The following ZNF804A variants were observed in gnomAD, a reference collection of about 807,000 sequenced individuals.
The protein encoded by ZNF804A is zinc finger protein 804A.
Under a neutral mutation model 16.5 loss-of-function variants are expected in ZNF804A, and 2 were observed. The observed-to-expected ratio is 0.12, with a 90% confidence interval of 0.05 to 0.38. ZNF804A has a LOEUF of 0.38. Among genes scored for constraint, ZNF804A ranks in the 10% least tolerant of loss-of-function variants. The pLI, the probability that ZNF804A is intolerant of heterozygous loss-of-function variation, is 0.99. For missense variants in ZNF804A, 1,473 were observed against 1,390.7 expected (o/e 1.06, Z -0.94); for synonymous variants, 534 against 489.6 (o/e 1.09, Z -1.20).
chr2:184,612,803 A>G (rs965285264), intron 1 of ZNF804A, among the ~76,000 whole-genome samples: 2 of 152,210 alleles, frequency 1.3e-5, no homozygotes, highest in African/African-American at 4.8e-5. Flanking sequence ...TAGTAATAGA[A>G]TTTCAGATGG....
At position 184,782,767 on chromosome 2, in the gene ZNF804A, ATT is replaced by A. The variant is rs369282860; in HGVS notation, c.112-83587_112-83586del. The stretch of plus-strand genomic sequence containing the variant: ...TGACTAATACAGTTTTCCAGTAAGG[ATT>A]TTTTTTTTTTTTTTCTGAACTCTTC... On this transcript the variant is annotated intron_variant, in intron 1 of 3. Transcript: ENST00000302277. 1.1e-3 allele frequency among the ~76,000 whole-genome samples: 143 copies of A among 133,496 alleles called. 1 individual carries two copies. Among genetic ancestry groups the A allele is most frequent in the African/African-American group, 3.4e-3 (124 of 36,386 alleles). The allele number at this position is 133,496 out of a possible 152,430, so 87.6% of individuals were successfully genotyped here.
chr2:184,900,733 T>A (rs943833891), intron 2 of ZNF804A, among the ~76,000 whole-genome samples: 1 of 152,138 alleles, frequency 6.6e-6, no homozygotes, highest in Non-Finnish European at 1.5e-5. Context: ...GGACACAGAT[T>A]TGACACTTGT....
At chr2:184,645,763 G>T (rs1021789450) in intron 1 of ZNF804A, among the ~76,000 whole-genome samples, 7 of 152,168 alleles carry the variant, frequency 4.6e-5, no homozygotes. Flanking sequence ...TCAACTCTGT[G>T]AGCTCTAATT....
At chr2:184,837,406 C>T (rs1433351123) in intron 1 of ZNF804A, among the ~76,000 whole-genome samples, 2 of 152,032 alleles carry the variant, frequency 1.3e-5, no homozygotes, top group Admixed American at 1.3e-4. Context: ...ATGATGGCTT[C>T]TTTAACTTTA....
intron 1 of ZNF804A, among the ~76,000 whole-genome samples, chr2:184,830,227 T>A (rs1695241671): frequency 6.6e-6 from 1 of 152,144 alleles, no homozygotes; most frequent in African/African-American, 2.4e-5. Flanking sequence ...GTTGAACAAA[T>A]ACATATTTTC....
At chr2:184,784,160 A>C (rs931488984) in intron 1 of ZNF804A, among the ~76,000 whole-genome samples, 1 of 151,914 alleles carries the variant, frequency 6.6e-6, no homozygotes. Context: ...GGTGGGGCTC[A>C]ATACAACTTT....
intron 1 of ZNF804A, among the ~76,000 whole-genome samples, chr2:184,679,740 T>A (rs758646997): frequency 2.6e-5 from 4 of 152,152 alleles, no homozygotes; most frequent in Non-Finnish European, 4.4e-5. Context: ...TGGGCCCCGA[T>A]GAGCATGGGA....
chr2:184,660,695 A>G (rs967126263), intron 1 of ZNF804A, among the ~76,000 whole-genome samples: 1 of 152,254 alleles, frequency 6.6e-6, no homozygotes, highest in Non-Finnish European at 1.5e-5. Flanking sequence ...CTATGAAAAA[A>G]CACATACACA....
chr2:184,907,809 A>T (rs1276607770), intron 2 of ZNF804A, among the ~76,000 whole-genome samples: 1 of 152,176 alleles, frequency 6.6e-6, no homozygotes, highest in East Asian at 1.9e-4. Context: ...CACATTTTGT[A>T]GTTTGAGAAA....
At chr2:184,832,699 G>T (rs543002602) in intron 1 of ZNF804A, among the ~76,000 whole-genome samples, 2 of 151,438 alleles carry the variant, frequency 1.3e-5, no homozygotes, top group Non-Finnish European at 3.0e-5. Flanking sequence ...GACATCTATT[G>T]TAAATTGCTT....
chr2:184,873,683 A>C (rs1696009598), intron 2 of ZNF804A, among the ~76,000 whole-genome samples: 1 of 152,236 alleles, frequency 6.6e-6, no homozygotes, highest in Non-Finnish European at 1.5e-5. Flanking sequence ...ACATATGAAA[A>C]ATAGAAATGG....
chr2:184,801,963 C>A (rs1274982162), intron 1 of ZNF804A, among the ~76,000 whole-genome samples: 1 of 152,056 alleles, frequency 6.6e-6, no homozygotes, highest in Admixed American at 6.6e-5. Flanking sequence ...TTTAACATTG[C>A]TGTAGCTGTA....
At chr2:184,675,906 T>C (rs1426837285) in intron 1 of ZNF804A, among the ~76,000 whole-genome samples, 1 of 151,776 alleles carries the variant, frequency 6.6e-6, no homozygotes, top group African/African-American at 2.4e-5. Flanking sequence ...TTTTAATGTA[T>C]GTACTAACCT....
intron 1 of ZNF804A, among the ~76,000 whole-genome samples, chr2:184,613,915 A>T (rs915732877): frequency 5.3e-5 from 8 of 152,198 alleles, no homozygotes; most frequent in African/African-American, 1.7e-4. Context: ...GACTTTCTTC[A>T]CAGAATTAGA....
chr2:184,804,953 TC>T (rs1432972098), intron 1 of ZNF804A, among the ~76,000 whole-genome samples: 1 of 152,206 alleles, frequency 6.6e-6, no homozygotes, highest in Non-Finnish European at 1.5e-5. Flanking sequence ...AAATCATATT[TC>T]TATGTATACC....
At chr2:184,687,701 T>A (rs191993731) in intron 1 of ZNF804A, among the ~76,000 whole-genome samples, 1 of 152,306 alleles carries the variant, frequency 6.6e-6, no homozygotes, top group Non-Finnish European at 1.5e-5. Context: ...TAGAAGTCAA[T>A]TGTAGTTCTT....
intron 1 of ZNF804A, among the ~76,000 whole-genome samples, chr2:184,809,293 A>T (rs1180302142): frequency 2.0e-5 from 3 of 151,784 alleles, no homozygotes; most frequent in Non-Finnish European, 4.4e-5. Context: ...TAAAGTATAC[A>T]CATAAGTGGA....
At chr2:184,860,105 T>A (rs1179644468) in intron 1 of ZNF804A, among the ~76,000 whole-genome samples, 1 of 152,160 alleles carries the variant, frequency 6.6e-6, no homozygotes, top group Non-Finnish European at 1.5e-5. Context: ...TCAGTGTCCA[T>A]AGGGTGTGCC....
At chr2:184,715,935 G>T (rs1693205431) in intron 1 of ZNF804A, among the ~76,000 whole-genome samples, 1 of 152,062 alleles carries the variant, frequency 6.6e-6, no homozygotes, top group Non-Finnish European at 1.5e-5. Context: ...TTTAATGAAT[G>T]AATAAGTTCA....
Sources: allele counts gnomAD v4.1 joint callset (sites outside exome capture counted in the v4.1 genomes callset), GRCh38; gene constraint gnomAD v4.1.1; transcripts MANE v1.5; gene names NCBI Gene and HGNC (gene_info 2026-07-23, HGNC 2026-07-21).